ACTR3C: variants seen among roughly 807,000 people sequenced by gnomAD.
ACTR3C encodes actin-related protein 3C.
Under a neutral mutation model 26.3 loss-of-function variants are expected in ACTR3C, and 18 were observed. The observed-to-expected ratio is 0.68, with a 90% CI of 0.47 to 1.01. The LOEUF is 1.01. Ranked by LOEUF, ACTR3C falls within the 50% of genes least tolerant of loss-of-function variation. The pLI, the probability that ACTR3C is intolerant of heterozygous loss-of-function variation, is 0.00. For missense variants in ACTR3C, 184 were observed against 250.7 expected, an observed-to-expected ratio of 0.73 and a Z score of 1.80; for synonymous variants, 55 against 94.5, an observed-to-expected ratio of 0.58 and a Z score of 2.42.
the ACTR3C span, among the ~76,000 whole-genome samples, chr7:149,953,718 A>G: frequency 6.6e-6 from 1 of 151,816 alleles, no homozygotes; most frequent in Admixed American, 6.6e-5. Flanking sequence ...TTCAGGACTC[A>G]TAATACAACC....
chr7:150,240,456 C>T (rs961819506), downstream of ACTR3C, among the ~76,000 whole-genome samples: 1 of 152,146 alleles, frequency 6.6e-6, no homozygotes, highest in Non-Finnish European at 1.5e-5. Context: ...GGACAAATAC[C>T]TAATGCTTGT....
At chr7:150,036,976 G>A in the ACTR3C span, among the ~76,000 whole-genome samples, 147 of 58,784 alleles carry the variant, frequency 2.5e-3, 14 homozygotes, top group East Asian at 0.034. Flanking sequence ...CTCAGTCCCT[G>A]CCTCGCGGGG....
chr7:150,032,804 T>C, the ACTR3C span, among the ~76,000 whole-genome samples: 4 of 152,092 alleles, frequency 2.6e-5, no homozygotes, highest in Admixed American at 2.6e-4. Context: ...CCTTTTTTTT[T>C]CTCTGTAGGT....
the ACTR3C span, among the ~76,000 whole-genome samples, chr7:150,003,306 ATGTGCAGTG>A: frequency 1.3e-5 from 2 of 152,272 alleles, no homozygotes; most frequent in Non-Finnish European, 1.5e-5. Context: ...TTGGTATAAT[ATGTGCAGTG>A]TGTGTGGTGT....
At chr7:150,003,865 T>C in the ACTR3C span, among the ~76,000 whole-genome samples, 1 of 151,456 alleles carries the variant, frequency 6.6e-6, no homozygotes, top group Non-Finnish European at 1.5e-5. Flanking sequence ...GTGTGTGGTA[T>C]GTGATGTGGT....
the ACTR3C span, chr7:150,041,251 G>T: frequency 6.6e-6 from 1 of 150,958 alleles, no homozygotes. Context: ...ATACTGCAAA[G>T]TTTGGGATCC....
the ACTR3C span, among the ~76,000 whole-genome samples, chr7:149,931,694 A>T: frequency 1.3e-5 from 2 of 151,620 alleles, no homozygotes; most frequent in African/African-American, 2.4e-5. Flanking sequence ...GCCACATCCC[A>T]GTGAGGAAGC....
At chr7:150,041,872 G>T in the ACTR3C span, among the ~76,000 whole-genome samples, 5 of 119,978 alleles carry the variant, frequency 4.2e-5, no homozygotes, top group African/African-American at 9.8e-5. Flanking sequence ...ACTCTCGTGA[G>T]GGTTGCCTCC....
At chr7:150,129,323 A>G in the ACTR3C span, among the ~76,000 whole-genome samples, 9 of 152,328 alleles carry the variant, frequency 5.9e-5, no homozygotes, top group South Asian at 6.2e-4. Flanking sequence ...CCTTAGATCT[A>G]GAACCCAGGC....
the ACTR3C span, among the ~76,000 whole-genome samples, chr7:149,943,921 G>A: frequency 3.5e-5 from 5 of 143,370 alleles, no homozygotes; most frequent in African/African-American, 5.9e-5. Context: ...TGCTTTTTAT[G>A]TACACTGAAA....
the ACTR3C span, among the ~76,000 whole-genome samples, chr7:150,023,197 C>CTA: frequency 2.0e-5 from 3 of 150,260 alleles, no homozygotes; most frequent in African/African-American, 7.3e-5. Flanking sequence ...ATATAGATAT[C>CTA]TATATATATC....
chr7:150,070,043 C>A, the ACTR3C span, among the ~76,000 whole-genome samples: 1 of 152,216 alleles, frequency 6.6e-6, no homozygotes, highest in Non-Finnish European at 1.5e-5. Flanking sequence ...AGGTCCAGGT[C>A]TGTCACGTGG....
the ACTR3C span, among the ~76,000 whole-genome samples, chr7:150,169,974 AC>A: frequency 2.7e-5 from 4 of 149,618 alleles, no homozygotes; most frequent in Non-Finnish European, 4.4e-5. Flanking sequence ...ATAACAAATT[AC>A]CCCCAAATTC....
At chr7:150,022,584 G>C in the ACTR3C span, among the ~76,000 whole-genome samples, 1 of 152,068 alleles carries the variant, frequency 6.6e-6, no homozygotes, top group African/African-American at 2.4e-5. Flanking sequence ...TTCAGGCCCA[G>C]GGAGTAGCCG....
the ACTR3C span, among the ~76,000 whole-genome samples, chr7:149,992,312 T>C: frequency 6.6e-6 from 1 of 152,266 alleles, no homozygotes; most frequent in Non-Finnish European, 1.5e-5. Context: ...CATGCCTTGT[T>C]AATCATGAAA....
the ACTR3C span, among the ~76,000 whole-genome samples, chr7:150,117,374 T>C: frequency 6.6e-6 from 1 of 152,106 alleles, no homozygotes; most frequent in Non-Finnish European, 1.5e-5. Context: ...GAAGTCGACA[T>C]GGGATGCTCG....
chr7:150,180,712 G>C, the ACTR3C span, among the ~76,000 whole-genome samples: 3 of 149,022 alleles, frequency 2.0e-5, no homozygotes, highest in Admixed American at 6.6e-5. Context: ...GGGGTTTCAC[G>C]TGTTAGCCAG....
the ACTR3C span, among the ~76,000 whole-genome samples, chr7:149,972,519 C>A: frequency 1.3e-5 from 2 of 152,258 alleles, no homozygotes; most frequent in African/African-American, 4.8e-5. Flanking sequence ...ACAAGCTGCA[C>A]CCCTGCCCCT....
the ACTR3C span, among the ~76,000 whole-genome samples, chr7:149,994,844 CTT>C: frequency 1.4e-4 from 16 of 112,402 alleles, no homozygotes; most frequent in Admixed American, 5.0e-4. Flanking sequence ...TGTTAACATT[CTT>C]TTTTTTTTTT....
Sources: allele counts gnomAD v4.1 joint callset (sites outside exome capture counted in the v4.1 genomes callset), GRCh38; gene constraint gnomAD v4.1.1; transcripts MANE v1.5; gene names NCBI Gene and HGNC (gene_info 2026-07-23, HGNC 2026-07-21).